The following NTM variants were observed in gnomAD, a reference collection of about 807,000 sequenced individuals.
NTM encodes the protein IgLON family member 2.
NTM carries 13 observed loss-of-function variants against 42.1 expected under a neutral mutation model. The ratio of observed to expected loss-of-function variants is 0.31; its 90% CI spans 0.20 to 0.49. The LOEUF (loss-of-function observed/expected upper bound fraction) is 0.49. NTM is among the 20% of genes least tolerant of loss of function. The probability of loss-of-function intolerance (pLI) is 0.99; values close to 1 mark genes in which losing one functional copy is unlikely to be tolerated. For missense variants in NTM, 373 were observed against 452.8 expected (o/e 0.82, Z 1.60); for synonymous variants, 187 against 179.2 (o/e 1.04, Z -0.35).
Position 132,334,915 on chromosome 11 carries a change from G to A in NTM, c.968-131G>A, listed in dbSNP as rs977438838. On this transcript the variant is annotated intron_variant, in intron 8 of 8. Transcript: ENST00000683400. ...AACGTTCACTTCTAATGCTGGGGCT[G>A]GAACACCATGTGTTTCACTTAGAGG... 24 of 1,451,624 alleles carry A rather than the reference G, an allele frequency of 1.7e-5. No homozygotes were observed. In the Middle Eastern group the frequency reaches 7.6e-4, roughly 46 times the overall value. The allele number at this position is 1,451,624 out of a possible 1,614,324, so 89.9% of individuals were successfully genotyped here.
At chr11:131,971,909 G>A (rs1410777677) in intron 2 of NTM, among the ~76,000 whole-genome samples, 1 of 151,954 alleles carries the variant, frequency 6.6e-6, no homozygotes, top group South Asian at 2.1e-4. Flanking sequence ...AGCCGAGTGT[G>A]GTGGTGGGCG....
At chr11:131,757,260 CT>C (rs2083460665) in intron 1 of NTM, among the ~76,000 whole-genome samples, 1 of 152,186 alleles carries the variant, frequency 6.6e-6, no homozygotes, top group Non-Finnish European at 1.5e-5. Context: ...AGTCTTAGGC[CT>C]GATGGAGATG....
rs989440600 is a variant in NTM at position 131,794,861 on chromosome 11, G to T, written c.83-116703G>T. The T allele has an allele frequency of 9.1e-6, 9 of 985,192 alleles. No individual in the cohort carries two copies. In the African/African-American group the frequency reaches 1.6e-4, roughly 17 times the overall value. The allele number at this position is 985,192 out of a possible 1,614,324, so 61.0% of individuals were successfully genotyped here. A position where few individuals can be genotyped will look rare whatever the true frequency, so the allele number is the denominator to read the frequency against. ...CAGGCAGAAAGCTGCCATAGGTAACGGCCTCCACAGAGAATATATGATGGC... is the reference window on the plus strand; with the variant it reads ...CAGGCAGAAAGCTGCCATAGGTAACTGCCTCCACAGAGAATATATGATGGC... On this transcript the variant is annotated intron_variant, in intron 1 of 8. Coordinates refer to ENST00000683400, the MANE Select transcript of NTM (RefSeq NM_001352005.2).
chr11:131,905,745 C>T (rs2053771620), intron 1 of NTM, among the ~76,000 whole-genome samples: 1 of 152,142 alleles, frequency 6.6e-6, no homozygotes, highest in Admixed American at 6.5e-5. Context: ...GCCCACGTTA[C>T]TTTTGCCTAT....
At chr11:131,456,391 C>T (rs745525377) in intron 1 of NTM, among the ~76,000 whole-genome samples, 53 of 152,240 alleles carry the variant, frequency 3.5e-4, no homozygotes, top group Non-Finnish European at 6.9e-4. Flanking sequence ...CAGGAATGAC[C>T]CAATTTGTAT....
rs374327741 is a variant in NTM at position 131,864,531 on chromosome 11, T to A, written c.83-47033T>A. On this transcript the variant is annotated intron_variant, in intron 1 of 8. Transcript: ENST00000683400. ...GTCCCAGTGCAAGGCTCTGAAACCC[T>A]GGAGGTTTCCTATTATTTCTTTGCC... Among the ~76,000 whole-genome samples the A allele has an allele frequency of 9.6e-4, 147 of 152,348 alleles. 1 individual carries two copies. The highest frequency in any genetic ancestry group is 3.1e-3 in the African/African-American group (130 of 41,594).
chr11:131,998,506 A>T (rs2068540854), intron 2 of NTM, among the ~76,000 whole-genome samples: 1 of 152,096 alleles, frequency 6.6e-6, no homozygotes, highest in African/African-American at 2.4e-5. Context: ...GATAGTACTT[A>T]ACCAGCTGTT....
chr11:132,214,737 G>A (rs1489165187), intron 4 of NTM, among the ~76,000 whole-genome samples: 1 of 152,110 alleles, frequency 6.6e-6, no homozygotes, highest in African/African-American at 2.4e-5. Context: ...ATTTCCCAAG[G>A]GAACTTTTGC....
intron 1 of NTM, among the ~76,000 whole-genome samples, chr11:131,890,174 C>G: frequency 6.6e-6 from 1 of 150,408 alleles, no homozygotes; most frequent in Middle Eastern, 3.4e-3. Context: ...CTCTCTCTCT[C>G]TCTGTCTCTC....
chr11:131,448,080 C>T (rs1309021272), intron 1 of NTM, among the ~76,000 whole-genome samples: 2 of 152,260 alleles, frequency 1.3e-5, no homozygotes, highest in South Asian at 2.1e-4. Context: ...CCTGTGCCAC[C>T]TCTCAGCACG....
At chr11:131,405,706 C>G (rs1945735762) in intron 1 of NTM, among the ~76,000 whole-genome samples, 1 of 152,170 alleles carries the variant, frequency 6.6e-6, no homozygotes, top group Admixed American at 6.6e-5. Context: ...AGCATACATC[C>G]AATTTTGTCA....
chr11:131,573,670 T>G (rs1490634749), intron 1 of NTM: 3 of 152,234 alleles, frequency 2.0e-5, no homozygotes, highest in African/African-American at 4.8e-5. Flanking sequence ...TTATTTTCGT[T>G]AACAAGTGCC....
chr11:132,145,167 T>G (rs553236938), intron 2 of NTM, among the ~76,000 whole-genome samples: 85 of 152,364 alleles, frequency 5.6e-4, no homozygotes, highest in African/African-American at 1.6e-3. Flanking sequence ...ACTTCTATAC[T>G]TCTAGCTCTC....
At chr11:131,898,000 T>C (rs2052573358) in intron 1 of NTM, among the ~76,000 whole-genome samples, 1 of 152,170 alleles carries the variant, frequency 6.6e-6, no homozygotes. Flanking sequence ...ATATTTCGGA[T>C]TCAAACCAAG....
In NTM at chr11:131,665,581, C is replaced by A. The variant is rs145525959; in HGVS notation, c.83-245983C>A. Among the ~76,000 whole-genome samples the A allele has an allele frequency of 2.2e-3, 329 of 152,282 alleles. 3 individuals carry two copies. The East Asian group carries it at 0.039, about 18-fold the overall frequency. On this transcript the variant is annotated intron_variant, in intron 1 of 8. Transcript: ENST00000683400. ...GAGTTCATGTGAAGACACAGAGACG[C>A]CTAAGAGGAAACTGACACTGCTGAC... is the stretch of plus-strand genomic sequence containing the variant.
chr11:131,914,433 AT>A (rs916148391), intron 2 of NTM, among the ~76,000 whole-genome samples: 9 of 152,084 alleles, frequency 5.9e-5, no homozygotes, highest in African/African-American at 2.2e-4. Context: ...CCTATGGGTG[AT>A]TGGGTGATGA....
chr11:132,217,360 G>T (rs944009400), intron 4 of NTM, among the ~76,000 whole-genome samples: 2 of 127,746 alleles, frequency 1.6e-5, no homozygotes, highest in African/African-American at 6.1e-5. Context: ...CTCTCTTTCT[G>T]TGTGTGTGTG....
chr11:132,152,482 A>G (rs2072182283), intron 3 of NTM, among the ~76,000 whole-genome samples: 10 of 152,208 alleles, frequency 6.6e-5, no homozygotes, highest in Admixed American at 6.5e-5. Context: ...ATGAAAATGT[A>G]TATTTGGTCT....
intron 2 of NTM, among the ~76,000 whole-genome samples, chr11:132,048,806 C>CTTT (rs993260927): frequency 7.8e-6 from 1 of 127,486 alleles, no homozygotes; most frequent in East Asian, 2.4e-4. Context: ...AGCTGTTTTT[C>CTTT]TTTTCTTTTT....
Sources: allele counts gnomAD v4.1 joint callset (sites outside exome capture counted in the v4.1 genomes callset), GRCh38; gene constraint gnomAD v4.1.1; transcripts MANE v1.5; gene names NCBI Gene and HGNC (gene_info 2026-07-23, HGNC 2026-07-21).